Variants in SBF2 observed in about 807,000 individuals in gnomAD.
SBF2 encodes the protein myotubularin-related protein 13.
Under a neutral mutation model 225.2 loss-of-function variants are expected in SBF2, and 112 were observed. The ratio of observed to expected loss-of-function variants is 0.50; its 90% CI spans 0.43 to 0.58. The LOEUF is 0.58. SBF2 is among the 20% of genes least tolerant of loss of function. The pLI is 0.00. For synonymous variants in SBF2, 763 were observed against 773.3 expected, an observed-to-expected ratio of 0.99 and a Z score of 0.22; for missense variants, 1,996 against 2,206.2, an observed-to-expected ratio of 0.90 and a Z score of 1.91.
intron 9 of SBF2, 133 bp from the exon 10 acceptor site, chr11:9,994,131 T>C (rs1224434134): frequency 8.0e-6 from 6 of 749,530 alleles, no homozygotes; most frequent in Admixed American, 4.3e-5. Context: ...TTAGCTGGGG[T>C]AGTTCTATAT....
At chr11:10,002,480 G>T (rs780377737) in intron 7 of SBF2, 77 bp downstream of exon 7, 17 of 1,168,204 alleles carry the variant, frequency 1.5e-5, no homozygotes, top group Non-Finnish European at 2.1e-5. Flanking sequence ...AAACCATTGT[G>T]CCATAACATT....
chr11:9,936,135 G>A (rs1017575922), intron 16 of SBF2, among the ~76,000 whole-genome samples: 1 of 152,158 alleles, frequency 6.6e-6, no homozygotes, highest in Non-Finnish European at 1.5e-5. Flanking sequence ...ATCAAAAAGT[G>A]GGTGAAGTAT....
chr11:10,294,473 C>T (rs1278494778), upstream of SBF2, among the ~76,000 whole-genome samples: 1 of 152,226 alleles, frequency 6.6e-6, no homozygotes, highest in Non-Finnish European at 1.5e-5. Context: ...GGGGGTCCTT[C>T]CTTCCGCCTT....
At chr11:10,041,858 T>A (rs1020761474) in intron 3 of SBF2, among the ~76,000 whole-genome samples, 5 of 150,358 alleles carry the variant, frequency 3.3e-5, no homozygotes, top group Admixed American at 2.0e-4. Flanking sequence ...TTACTCAATA[T>A]CTTCGAAGTC....
intron 2 of SBF2, among the ~76,000 whole-genome samples, chr11:10,123,829 C>T (rs1466473789): frequency 6.6e-6 from 1 of 152,172 alleles, no homozygotes; most frequent in Non-Finnish European, 1.5e-5. Context: ...TCTTGCTTTT[C>T]TCACTTAACA....
intron 2 of SBF2, among the ~76,000 whole-genome samples, chr11:10,153,516 A>C (rs990618718): frequency 6.6e-6 from 1 of 152,196 alleles, no homozygotes; most frequent in Non-Finnish European, 1.5e-5. Flanking sequence ...TGTGAGATGC[A>C]GTTAAAGCAG....
intron 16 of SBF2, among the ~76,000 whole-genome samples, chr11:9,898,110 G>A (rs1020786704): frequency 1.3e-5 from 2 of 152,100 alleles, no homozygotes; most frequent in Admixed American, 6.6e-5. Flanking sequence ...AGTCAGAAGG[G>A]AAATAGGCAA....
intron 16 of SBF2, among the ~76,000 whole-genome samples, chr11:9,927,129 T>C (rs1590481860): frequency 6.6e-6 from 1 of 152,352 alleles, no homozygotes; most frequent in East Asian, 1.9e-4. Flanking sequence ...TATCTATATA[T>C]TGGACAATTT....
chr11:10,297,453 T>G (rs761437004), upstream of SBF2, among the ~76,000 whole-genome samples: 11 of 152,246 alleles, frequency 7.2e-5, no homozygotes, highest in Non-Finnish European at 1.5e-4. Flanking sequence ...TAGTGTTATA[T>G]CTAAAAAATT....
At chr11:9,852,624 T>C in intron 21 of SBF2, 52 bp downstream of exon 21, 2 of 1,332,862 alleles carry the variant, frequency 1.5e-6, no homozygotes, top group Non-Finnish European at 2.2e-6. Context: ...CAGTCTATTG[T>C]TTGTTTTTAA....
rs137939953 is a variant in SBF2, at chr11:9,920,182, A to ATGTG, written c.1861-24175_1861-24172dup. Among the ~76,000 whole-genome samples, 335 of 147,156 alleles carry ATGTG rather than the reference A, an allele frequency of 2.3e-3. 1 individual carries two copies. The highest frequency in any genetic ancestry group is 9.8e-3 in the East Asian group (50 of 5,090). ...TAAGGCTCAAAACTGCAAATACTAT[A>ATGTG]TGTGTGTGTGTGTGTGTGTGTGTAT... On this transcript the variant is annotated intron_variant, in intron 16 of 39. Coordinates refer to ENST00000256190, the MANE Select transcript of SBF2 (RefSeq NM_030962.4).
intron 2 of SBF2, among the ~76,000 whole-genome samples, chr11:10,093,485 T>G (rs950706857): frequency 6.6e-6 from 1 of 152,176 alleles, no homozygotes; most frequent in Non-Finnish European, 1.5e-5. Flanking sequence ...ATACAGATAA[T>G]TTATCAATTT....
intron 1 of SBF2, among the ~76,000 whole-genome samples, chr11:10,278,747 T>C (rs1963168328): frequency 6.6e-6 from 1 of 150,386 alleles, no homozygotes; most frequent in South Asian, 2.1e-4. Flanking sequence ...CGAGCCCCAT[T>C]GCACTCCAGC....
chr11:10,103,275 GA>G (rs1439760096), intron 2 of SBF2, among the ~76,000 whole-genome samples: 2 of 152,048 alleles, frequency 1.3e-5, no homozygotes, highest in Admixed American at 1.3e-4. Flanking sequence ...GCATTTTTCT[GA>G]CCTAATTAAT....
intron 2 of SBF2, among the ~76,000 whole-genome samples, chr11:10,095,102 T>C (rs1237365129): frequency 6.6e-6 from 1 of 152,066 alleles, no homozygotes; most frequent in East Asian, 1.9e-4. Context: ...ATTTTTTTTT[T>C]TGTACAGACA....
intron 16 of SBF2, among the ~76,000 whole-genome samples, chr11:9,906,119 A>G (rs999849288): frequency 6.6e-6 from 1 of 152,192 alleles, no homozygotes; most frequent in Non-Finnish European, 1.5e-5. Context: ...GCTATGCACA[A>G]GAATGTCATC....
intron 2 of SBF2, among the ~76,000 whole-genome samples, chr11:10,111,110 A>T (rs1362797086): frequency 6.6e-6 from 1 of 152,192 alleles, no homozygotes; most frequent in Non-Finnish European, 1.5e-5. Flanking sequence ...TTAGGTTGTC[A>T]AGGATTTAAT....
chr11:10,100,335 C>T (rs1033497194), intron 2 of SBF2, among the ~76,000 whole-genome samples: 1 of 152,190 alleles, frequency 6.6e-6, no homozygotes, highest in African/African-American at 2.4e-5. Context: ...TTTGGAGGCT[C>T]GTCTGGGATT....
Position 9,808,264 on chromosome 11 carries a change from T to C in SBF2, c.4258-79A>G, listed in dbSNP as rs1853965270. The C allele has an allele frequency of 2.5e-6, 3 of 1,213,768 alleles. No homozygotes were observed. The African/African-American group carries it at 4.5e-5, about 18-fold the overall frequency. The allele number at this position is 1,213,768 out of a possible 1,614,324, so 75.2% of individuals were successfully genotyped here. A position where few individuals can be genotyped will look rare whatever the true frequency, so the allele number is the denominator to read the frequency against. ...TTACTAAGATAAAAGCACTTCCTTCTGATGATAGCTAATTCACAAATTTAC... is the reference window on the plus strand; with the variant it reads ...TTACTAAGATAAAAGCACTTCCTTCCGATGATAGCTAATTCACAAATTTAC... On this transcript the variant is annotated intron_variant, in intron 31 of 39. Coordinates refer to ENST00000256190, the MANE Select transcript of SBF2 (RefSeq NM_030962.4).
Sources: allele counts gnomAD v4.1 joint callset (sites outside exome capture counted in the v4.1 genomes callset), GRCh38; gene constraint gnomAD v4.1.1; transcripts MANE v1.5; gene names NCBI Gene and HGNC (gene_info 2026-07-23, HGNC 2026-07-21).